Variants in NT5C2 observed in about 807,000 individuals in gnomAD.
NT5C2 encodes the protein 5'-nucleotidase, cytosolic II, also known as cytosolic purine 5'-nucleotidase.
A neutral mutation model predicts 76.1 loss-of-function variants in NT5C2; 58 were observed. That is an observed-to-expected ratio of 0.76 (90% confidence interval 0.62 to 0.95). The LOEUF (loss-of-function observed/expected upper bound fraction) is 0.95, where lower values mean the gene tolerates loss of function less well. Ranked by LOEUF, NT5C2 falls within the 40% of genes least tolerant of loss-of-function variation. NT5C2 has a pLI of 0.00. For synonymous variants in NT5C2, 229 were observed against 237.4 expected, an observed-to-expected ratio of 0.96 and a Z score of 0.32; for missense variants, 478 against 690.3, an observed-to-expected ratio of 0.69 and a Z score of 3.45.
intron 3 of NT5C2, among the ~76,000 whole-genome samples, chr10:103,163,006 A>C (rs767417680): frequency 2.0e-5 from 3 of 152,096 alleles, no homozygotes; most frequent in Non-Finnish European, 2.9e-5. Flanking sequence ...CCATCACTAC[A>C]GTTTTGTCTT....
chr10:103,120,558 T>C (rs566878016), intron 4 of NT5C2, among the ~76,000 whole-genome samples: 1 of 152,208 alleles, frequency 6.6e-6, no homozygotes, highest in South Asian at 2.1e-4. Flanking sequence ...TAGAGAAACA[T>C]GAAATCAAAA....
intron 4 of NT5C2, among the ~76,000 whole-genome samples, chr10:103,138,725 T>C (rs1056345875): frequency 6.6e-6 from 1 of 152,240 alleles, no homozygotes; most frequent in African/African-American, 2.4e-5. Flanking sequence ...AATAACATAC[T>C]GTCCGGGTGC....
intron 3 of NT5C2, among the ~76,000 whole-genome samples, chr10:103,174,095 C>CAA (rs59543748): frequency 8.6e-5 from 7 of 81,266 alleles, no homozygotes; most frequent in East Asian, 3.9e-4. Flanking sequence ...GACTCCGTCT[C>CAA]AAAAAAAAAA....
At chr10:103,138,206 G>A (rs1036874875) in intron 4 of NT5C2, among the ~76,000 whole-genome samples, 21 of 152,182 alleles carry the variant, frequency 1.4e-4, no homozygotes, top group African/African-American at 3.9e-4. Flanking sequence ...TGGGAAGACT[G>A]GCTAAATTCC....
intron 4 of NT5C2, among the ~76,000 whole-genome samples, chr10:103,127,957 G>C (rs1338528295): frequency 6.6e-6 from 1 of 151,946 alleles, no homozygotes; most frequent in Non-Finnish European, 1.5e-5. Flanking sequence ...GCCTCCCAAA[G>C]TGCTGGGATT....
At chr10:103,148,069 G>A (rs1319284755) in intron 3 of NT5C2, among the ~76,000 whole-genome samples, 1 of 152,094 alleles carries the variant, frequency 6.6e-6, no homozygotes, top group Non-Finnish European at 1.5e-5. Flanking sequence ...TATGCTTAAT[G>A]ATATAAAAAG....
intron 3 of NT5C2, among the ~76,000 whole-genome samples, chr10:103,152,939 T>C (rs553254845): frequency 2.6e-5 from 4 of 152,360 alleles, no homozygotes; most frequent in African/African-American, 9.6e-5. Context: ...TAAAACGCCA[T>C]TGAATTTTTA....
chr10:103,146,362 T>C (rs2081478241), intron 3 of NT5C2: 2 of 985,294 alleles, frequency 2.0e-6, no homozygotes, highest in African/African-American at 3.5e-5. Context: ...AAGTGCCCAA[T>C]GACAGTTAGT....
intron 3 of NT5C2, among the ~76,000 whole-genome samples, chr10:103,167,263 C>A (rs899571192): frequency 1.3e-5 from 2 of 152,084 alleles, no homozygotes; most frequent in Non-Finnish European, 2.9e-5. Flanking sequence ...GGCGAGCCAC[C>A]CACCTCGGCC....
rs907945143 is a variant in NT5C2, at chr10:103,099,646, A to T, written c.633+280T>A. On this transcript the variant is annotated intron_variant, in intron 9 of 18. Coordinates refer to ENST00000404739, the MANE Select transcript of NT5C2 (RefSeq NM_001351169.2). ...TGGACCACTGTCATCCACAAAGGAT[A>T]TGTTAAGTATAATGTAATACACTAA... 2.6e-5 allele frequency among the ~76,000 whole-genome samples: 4 copies of T among 152,178 alleles called. No individual in the cohort carries two copies. In the South Asian group the frequency reaches 8.3e-4, roughly 32 times the overall value.
intron 13 of NT5C2, 70 bp downstream of exon 13, chr10:103,094,278 G>T: frequency 1.9e-6 from 2 of 1,040,856 alleles, no homozygotes; most frequent in Non-Finnish European, 3.0e-6. Flanking sequence ...TCCTTATGTA[G>T]AGTAAGAGTG....
rs539781649 is a variant in NT5C2, at chr10:103,093,997, T to C, written c.963A>G (p.Leu321=). 11 of 1,613,874 alleles carry C rather than the reference T, an allele frequency of 6.8e-6. No individual in the cohort carries two copies. In the Admixed American group the frequency reaches 8.3e-5, roughly 12 times the overall value. The change falls in exon 14 of 19, where the codon CTA becomes CTG. Residue 321 remains leucine (L), a synonymous_variant. Transcript: ENST00000404739. ...CTCCTGAGTAGACGATACCATGCTGTAGGGGCCCTGTGTAGGTACCAATTT... is the reference window on the plus strand; with the variant it reads ...CTCCTGAGTAGACGATACCATGCTGCAGGGGCCCTGTGTAGGTACCAATTT... The part of the protein sequence containing the change: ...KLKIGTYTGP[L]QHGIVYSGGS...
Position 103,100,037 on chromosome 10 carries a change from T to C in NT5C2, c.540-18A>G, listed in dbSNP as rs755062223. On this transcript the variant is annotated intron_variant, in intron 8 of 18. Transcript: ENST00000404739. ...TTTCACAACTACAGAAAGATAAAAA[T>C]AACATGACAGGGGATCCAAAACAGG... 1.3e-6 allele frequency: 2 copies of C among 1,539,300 alleles called. No individual in the cohort carries two copies. Among genetic ancestry groups the C allele is most frequent in the Non-Finnish European group, 1.8e-6 (2 of 1,114,702 alleles).
intron 9 of NT5C2, 49 bp downstream of exon 9, chr10:103,099,877 T>C (rs974623948): frequency 1.2e-5 from 14 of 1,198,298 alleles, no homozygotes; most frequent in African/African-American, 1.5e-5. Context: ...TGCCACGCCA[T>C]AAAATACATG....
chr10:103,130,332 T>G (rs1445268817), intron 4 of NT5C2, among the ~76,000 whole-genome samples: 1 of 151,916 alleles, frequency 6.6e-6, no homozygotes, highest in African/African-American at 2.4e-5. Flanking sequence ...AAGATGTGCT[T>G]TGTTAAACAG....
intron 3 of NT5C2, among the ~76,000 whole-genome samples, chr10:103,168,365 A>T (rs2086926509): frequency 6.6e-6 from 1 of 152,250 alleles, no homozygotes; most frequent in Non-Finnish European, 1.5e-5. Flanking sequence ...AGAGCTTTAC[A>T]AACGTAAAAA....
At chr10:103,186,119 T>C (rs1564662546) in intron 1 of NT5C2, among the ~76,000 whole-genome samples, 1 of 152,220 alleles carries the variant, frequency 6.6e-6, no homozygotes, top group African/African-American at 2.4e-5. Flanking sequence ...AGAATTATAC[T>C]GTGGTTAAGA....
intron 3 of NT5C2, among the ~76,000 whole-genome samples, chr10:103,168,760 A>G (rs574658572): frequency 2.0e-5 from 3 of 152,340 alleles, no homozygotes; most frequent in African/African-American, 7.2e-5. Flanking sequence ...CAGAAAACTG[A>G]TATTAAGCAA....
intron 4 of NT5C2, among the ~76,000 whole-genome samples, chr10:103,124,054 A>G (rs554451628): frequency 2.0e-5 from 3 of 152,160 alleles, no homozygotes; most frequent in Admixed American, 6.5e-5. Flanking sequence ...TAATAATTCT[A>G]CATGTATAAT....
Sources: allele counts gnomAD v4.1 joint callset (sites outside exome capture counted in the v4.1 genomes callset), GRCh38; gene constraint gnomAD v4.1.1; transcripts MANE v1.5; gene names NCBI Gene and HGNC (gene_info 2026-07-23, HGNC 2026-07-21).